TENM4: variants seen among roughly 807,000 people sequenced by gnomAD.
The protein encoded by TENM4 is teneurin transmembrane protein 4.
Under a neutral mutation model 243.3 loss-of-function variants are expected in TENM4, and 82 were observed. The ratio of observed to expected loss-of-function variants is 0.34; its 90% CI spans 0.28 to 0.40. The LOEUF (loss-of-function observed/expected upper bound fraction) is 0.40. TENM4 is among the 10% of genes least tolerant of loss of function. The pLI is 1.00. For synonymous variants in TENM4, 1,412 were observed against 1,456.3 expected, an observed-to-expected ratio of 0.97 and a Z score of 0.69; for missense variants, 3,138 against 3,673.3, an observed-to-expected ratio of 0.85 and a Z score of 3.77.
At chr11:78,995,842 A>G (rs1322649088) in intron 6 of TENM4, among the ~76,000 whole-genome samples, 1 of 152,178 alleles carries the variant, frequency 6.6e-6, no homozygotes, top group Non-Finnish European at 1.5e-5. Flanking sequence ...GAAACCTTGC[A>G]TCGATCACTT....
chr11:78,729,470 C>T lies in TENM4; in HGVS notation c.3312G>A (p.Lys1104=), dbSNP rs1309211384. The T allele has an allele frequency of 6.2e-7, 1 of 1,612,612 alleles. No individual in the cohort carries two copies. The highest frequency in any genetic ancestry group is 1.7e-5 in the Admixed American group (1 of 59,812). The change falls in exon 22 of 34, where the codon AAG becomes AAA. Residue 1104 remains lysine, a synonymous_variant. Coordinates refer to ENST00000278550, the MANE Select transcript of TENM4 (RefSeq NM_001098816.3). ...ACAGGTCTGGGGCTGCAGCGAACCA[C>T]TTCCTGAAGAGGCGGCCCTCCACCG... ...MVAVEGRLFR[K]WFAAAPDLSY...
intron 12 of TENM4, among the ~76,000 whole-genome samples, chr11:78,815,471 G>A (rs1042514735): frequency 1.3e-5 from 2 of 152,186 alleles, no homozygotes; most frequent in African/African-American, 4.8e-5. Context: ...CTTTTGCAGA[G>A]ATGTTCCTTT....
chr11:79,419,983 G>C (rs1180589595), intron 1 of TENM4, among the ~76,000 whole-genome samples: 4 of 152,170 alleles, frequency 2.6e-5, no homozygotes, highest in Admixed American at 2.6e-4. Flanking sequence ...GTGAGAGAGA[G>C]AATGAATGAA....
chr11:78,887,512 C>G (rs1855573427), intron 9 of TENM4, among the ~76,000 whole-genome samples: 1 of 152,206 alleles, frequency 6.6e-6, no homozygotes, highest in South Asian at 2.1e-4. Flanking sequence ...TAGAGCCTGG[C>G]TCAAAGCAGG....
intron 6 of TENM4, among the ~76,000 whole-genome samples, chr11:78,904,703 C>T (rs2136333245): frequency 1.3e-5 from 2 of 152,244 alleles, no homozygotes; most frequent in Non-Finnish European, 2.9e-5. Context: ...TTATTTATTC[C>T]CTTTAATTAT....
intron 6 of TENM4, among the ~76,000 whole-genome samples, chr11:79,008,305 T>C (rs1858544276): frequency 6.6e-6 from 1 of 152,156 alleles, no homozygotes; most frequent in African/African-American, 2.4e-5. Context: ...TAGCAGGCGG[T>C]CCCTGGTGAT....
At chr11:79,168,071 G>A (rs1862956203) in intron 3 of TENM4, among the ~76,000 whole-genome samples, 1 of 152,212 alleles carries the variant, frequency 6.6e-6, no homozygotes, top group African/African-American at 2.4e-5. Flanking sequence ...TCTTGTGCCT[G>A]GCAGGCAGGA....
chr11:79,133,988 C>T (rs958859102), intron 4 of TENM4, among the ~76,000 whole-genome samples: 4 of 152,090 alleles, frequency 2.6e-5, no homozygotes, highest in Admixed American at 6.6e-5. Context: ...CACTGGAATT[C>T]CTAGCCAGAG....
intron 22 of TENM4, among the ~76,000 whole-genome samples, chr11:78,727,983 T>C (rs1000963892): frequency 5.9e-5 from 9 of 152,224 alleles, no homozygotes; most frequent in African/African-American, 1.2e-4. Flanking sequence ...CCTTCCCCCA[T>C]GGCCTTGAGT....
intron 6 of TENM4, among the ~76,000 whole-genome samples, chr11:78,962,467 C>T (rs1435668969): frequency 6.6e-6 from 1 of 150,488 alleles, no homozygotes. Context: ...GGGGGGGCTC[C>T]CAACACGGGG....
At chr11:79,175,293 G>T (rs1168342200) in intron 3 of TENM4, among the ~76,000 whole-genome samples, 2 of 152,244 alleles carry the variant, frequency 1.3e-5, no homozygotes, top group East Asian at 1.9e-4. Flanking sequence ...TTTTCCACGG[G>T]TGATAGTAAA....
At chr11:78,858,925 G>A (rs1417900299) in intron 10 of TENM4, among the ~76,000 whole-genome samples, 1 of 152,142 alleles carries the variant, frequency 6.6e-6, no homozygotes, top group Non-Finnish European at 1.5e-5. Context: ...ACCTTCCTGT[G>A]TATCAGTTCA....
chr11:79,150,059 A>T (rs1862473685), intron 3 of TENM4, among the ~76,000 whole-genome samples: 1 of 152,118 alleles, frequency 6.6e-6, no homozygotes, highest in African/African-American at 2.4e-5. Context: ...TGGTGCAGTG[A>T]TTTATTCAGT....
intron 6 of TENM4, among the ~76,000 whole-genome samples, chr11:79,019,656 A>C (rs1217467809): frequency 6.6e-6 from 1 of 152,238 alleles, no homozygotes; most frequent in Non-Finnish European, 1.5e-5. Context: ...ACTGTGTTCT[A>C]TACCATGTAC....
At chr11:78,781,735 C>T (rs1436019521) in intron 16 of TENM4, among the ~76,000 whole-genome samples, 1 of 77,560 alleles carries the variant, frequency 1.3e-5, no homozygotes, top group Non-Finnish European at 4.4e-5. Flanking sequence ...AGGATCACTA[C>T]AGCAGGTGAT....
At chr11:78,889,155 G>A (rs1288124420) in intron 9 of TENM4, among the ~76,000 whole-genome samples, 2 of 152,290 alleles carry the variant, frequency 1.3e-5, no homozygotes, top group Non-Finnish European at 2.9e-5. Context: ...GCACTGCTCC[G>A]TGTCTGTGCG....
chr11:78,727,872 T>G (rs1185977044), intron 22 of TENM4, among the ~76,000 whole-genome samples: 1 of 152,222 alleles, frequency 6.6e-6, no homozygotes, highest in East Asian at 1.9e-4. Context: ...AAGACAGGAA[T>G]TAACAACTGA....
intron 3 of TENM4, among the ~76,000 whole-genome samples, chr11:79,186,092 G>A (rs1863375358): frequency 6.6e-6 from 1 of 152,180 alleles, no homozygotes; most frequent in African/African-American, 2.4e-5. Flanking sequence ...GGCAAAGCTA[G>A]GATTTAAATC....
intron 26 of TENM4, 118 bp downstream of exon 26, chr11:78,712,364 C>T: frequency 1.2e-6 from 1 of 815,944 alleles, no homozygotes; most frequent in Non-Finnish European, 1.9e-6. Flanking sequence ...TTTTACCATC[C>T]TCCATATATT....
Sources: allele counts gnomAD v4.1 joint callset (sites outside exome capture counted in the v4.1 genomes callset), GRCh38; gene constraint gnomAD v4.1.1; transcripts MANE v1.5; gene names NCBI Gene and HGNC (gene_info 2026-07-23, HGNC 2026-07-21).